The following SRGAP2B variants were observed in gnomAD, a reference collection of about 807,000 sequenced individuals.
SRGAP2B encodes SLIT-ROBO Rho GTPase-activating protein 2B.
A neutral mutation model predicts 22.2 loss-of-function variants in SRGAP2B; 9 were observed. The observed-to-expected ratio is 0.41, with a 90% CI of 0.24 to 0.71. The LOEUF is 0.71. Ranked by LOEUF, SRGAP2B falls within the 30% of genes least tolerant of loss-of-function variation. The pLI is 0.35. For missense variants in SRGAP2B, 114 were observed against 235.8 expected (o/e 0.48, Z 3.38); for synonymous variants, 36 against 87.4 (o/e 0.41, Z 3.28).
chr1:144,983,374 G>A (rs1478101191), intron 3 of SRGAP2B, among the ~76,000 whole-genome samples: 3 of 70,826 alleles, frequency 4.2e-5, no homozygotes, highest in African/African-American at 2.5e-4. Flanking sequence ...CAAATACTGG[G>A]CCTGAAGCCG....
At chr1:144,965,051 G>C in intron 3 of SRGAP2B, 1 of 810,682 alleles carries the variant, frequency 1.2e-6, no homozygotes, top group Non-Finnish European at 1.9e-6. Flanking sequence ...ATACCTTGAA[G>C]AAGCTGAAGA....
chr1:144,976,596 T>C (rs587630102), intron 3 of SRGAP2B, among the ~76,000 whole-genome samples: 1 of 146,002 alleles, frequency 6.8e-6, no homozygotes, highest in African/African-American at 2.8e-5. Flanking sequence ...AACTCCACAG[T>C]AAAGGCAAGG....
At chr1:145,061,675 C>T (rs1553631504) in intron 2 of SRGAP2B, among the ~76,000 whole-genome samples, 2 of 149,464 alleles carry the variant, frequency 1.3e-5, no homozygotes, top group African/African-American at 2.5e-5. Context: ...GCAACCTTCG[C>T]CTCCCGGGTT....
intron 3 of SRGAP2B, among the ~76,000 whole-genome samples, chr1:144,990,613 G>T (rs587602800): frequency 7.5e-4 from 108 of 144,198 alleles, no homozygotes; most frequent in African/African-American, 2.9e-3. Context: ...GGCCAAGGCT[G>T]GAGCCCACTC....
At chr1:145,088,847 T>C (rs1406282845) in intron 2 of SRGAP2B, among the ~76,000 whole-genome samples, 1 of 135,522 alleles carries the variant, frequency 7.4e-6, no homozygotes, top group Non-Finnish European at 1.6e-5. Flanking sequence ...TTAATGTACA[T>C]CAGCCCTCCC....
chr1:145,021,814 CAA>C (rs71074453), intron 2 of SRGAP2B, among the ~76,000 whole-genome samples: 2 of 70,262 alleles, frequency 2.8e-5, no homozygotes, highest in Non-Finnish European at 2.9e-5. Context: ...AACTCCGTCT[CAA>C]AAAAAAAAAA....
chr1:145,023,733 C>A (rs1647413158), intron 2 of SRGAP2B, among the ~76,000 whole-genome samples: 1 of 138,780 alleles, frequency 7.2e-6, no homozygotes, highest in Non-Finnish European at 1.6e-5. Flanking sequence ...TTACTGAGCA[C>A]CTACTACTAT....
At chr1:145,024,876 T>C (rs1257634716) in intron 2 of SRGAP2B, among the ~76,000 whole-genome samples, 3 of 144,904 alleles carry the variant, frequency 2.1e-5, no homozygotes, top group Non-Finnish European at 4.5e-5. Context: ...TCCAAGAAAT[T>C]GGGAACAAGG....
rs3062880 is a variant in SRGAP2B, at chr1:144,988,999, C to CT, written c.260+6008dup. ...TCCTACTTCCTTTCCACTCCCCCCA[C>CT]TTTTTTTTTTTTTTTTTTTTTTTTT... On this transcript the variant is annotated intron_variant, in intron 3 of 9. Coordinates refer to ENST00000612199, the Ensembl canonical transcript of SRGAP2B. Among the ~76,000 whole-genome samples, 120 of 55,090 alleles carry CT rather than the reference C, an allele frequency of 2.2e-3. 2 individuals are homozygous for CT. Among genetic ancestry groups the CT allele is most frequent in the African/African-American group, 6.8e-3 (79 of 11,644 alleles). The allele number at this position is 55,090 out of a possible 152,430, so 36.1% of individuals were successfully genotyped here. A position where few individuals can be genotyped will look rare whatever the true frequency, so the allele number is the denominator to read the frequency against.
At chr1:144,926,713 G>T (rs1232147968) in intron 4 of SRGAP2B, among the ~76,000 whole-genome samples, 1 of 146,224 alleles carries the variant, frequency 6.8e-6, no homozygotes, top group Non-Finnish European at 1.5e-5. Context: ...AATAAGCCAG[G>T]CATGGTGGCA....
At chr1:144,991,030 T>A (rs1670166091) in intron 3 of SRGAP2B, among the ~76,000 whole-genome samples, 1 of 150,568 alleles carries the variant, frequency 6.6e-6, no homozygotes, top group Non-Finnish European at 1.5e-5. Context: ...GGCTGAGGAA[T>A]GCGAGCGCAC....
At chr1:145,026,752 C>T (rs1287087356) in intron 2 of SRGAP2B, among the ~76,000 whole-genome samples, 2 of 146,800 alleles carry the variant, frequency 1.4e-5, no homozygotes, top group South Asian at 2.2e-4. Context: ...ATAGGTTCTT[C>T]CCCATGAGTC....
intron 3 of SRGAP2B, among the ~76,000 whole-genome samples, chr1:144,956,773 A>G (rs1358344921): frequency 6.7e-6 from 1 of 149,926 alleles, no homozygotes; most frequent in Non-Finnish European, 1.5e-5. Context: ...TAATGAAAAC[A>G]TTGTGATCCA....
chr1:145,041,105 A>ATC (rs1180436386), intron 2 of SRGAP2B, among the ~76,000 whole-genome samples: 1 of 107,356 alleles, frequency 9.3e-6, no homozygotes, highest in Non-Finnish European at 1.8e-5. Flanking sequence ...ATATATATAT[A>ATC]TAGTCTGCTT....
At chr1:144,926,061 T>C (rs1363688399) in intron 4 of SRGAP2B, among the ~76,000 whole-genome samples, 18 of 40,846 alleles carry the variant, frequency 4.4e-4, no homozygotes, top group Admixed American at 5.4e-4. Flanking sequence ...TCCTCTCCTT[T>C]CCTACCTTCT....
intron 2 of SRGAP2B, among the ~76,000 whole-genome samples, chr1:145,044,163 T>A (rs2102359959): frequency 1.8e-5 from 2 of 112,826 alleles, no homozygotes; most frequent in Middle Eastern, 4.3e-3. Flanking sequence ...CCTAGAGAAA[T>A]GGCTGACTCC....
chr1:145,080,816 A>G (rs1652856285), intron 2 of SRGAP2B, among the ~76,000 whole-genome samples: 1 of 149,478 alleles, frequency 6.7e-6, no homozygotes, highest in South Asian at 2.1e-4. Flanking sequence ...CGGCCTCCCA[A>G]AGTGCTGGGA....
At chr1:144,975,164 T>C (rs1668801672) in intron 3 of SRGAP2B, among the ~76,000 whole-genome samples, 1 of 149,686 alleles carries the variant, frequency 6.7e-6, no homozygotes, top group Admixed American at 6.6e-5. Context: ...CCATCTTTTT[T>C]AGTCAAGAGA....
intron 4 of SRGAP2B, among the ~76,000 whole-genome samples, chr1:144,923,125 A>G (rs1664373589): frequency 6.6e-6 from 1 of 150,568 alleles, no homozygotes; most frequent in South Asian, 2.1e-4. Context: ...CTGCTCTCCC[A>G]GTCTGAAACA....
Sources: gnomAD v4.1 joint callset for allele counts (sites outside exome capture counted in the v4.1 genomes callset) on GRCh38, gnomAD v4.1.1 for gene constraint, MANE v1.5 for transcripts, NCBI Gene and HGNC (gene_info 2026-07-23, HGNC 2026-07-21) for gene names.